CSMD1: variants seen among roughly 807,000 people sequenced by gnomAD.
The protein encoded by CSMD1 is CUB and Sushi multiple domains 1, also known as CUB and sushi domain-containing protein 1.
A neutral mutation model predicts 417.5 loss-of-function variants in CSMD1; 213 were observed. That is an observed-to-expected ratio of 0.51 (90% CI 0.46 to 0.57). The LOEUF (loss-of-function observed/expected upper bound fraction) is 0.57. Ranked by LOEUF, CSMD1 falls within the 20% of genes least tolerant of loss-of-function variation. CSMD1 has a pLI of 0.00. For missense variants in CSMD1, 6,923 were observed against 4,529.7 expected (o/e 1.53, Z -15.17); for synonymous variants, 2,862 against 1,736.8 (o/e 1.65, Z -16.11).
intron 7 of CSMD1, among the ~76,000 whole-genome samples, chr8:3,685,539 G>T (rs1799902868): frequency 6.6e-6 from 1 of 152,080 alleles, no homozygotes; most frequent in Admixed American, 6.5e-5. Context: ...TTATATAACA[G>T]GAAGAAAAAT....
chr8:4,113,566 G>A (rs1194869157), intron 3 of CSMD1, among the ~76,000 whole-genome samples: 4 of 151,938 alleles, frequency 2.6e-5, no homozygotes, highest in Non-Finnish European at 4.4e-5. Flanking sequence ...CAGCACACCT[G>A]GCTAATTTTC....
chr8:3,430,476 G>C (rs527829606), intron 12 of CSMD1, among the ~76,000 whole-genome samples: 4 of 152,178 alleles, frequency 2.6e-5, no homozygotes, highest in African/African-American at 7.2e-5. Flanking sequence ...GTAGATGATG[G>C]TTATGAAGTC....
At chr8:3,779,340 T>C (rs1038010580) in intron 5 of CSMD1, among the ~76,000 whole-genome samples, 1 of 152,118 alleles carries the variant, frequency 6.6e-6, no homozygotes, top group Non-Finnish European at 1.5e-5. Context: ...TTTAAAGTAG[T>C]ACTGTAGCTA....
At chr8:3,468,908 A>C (rs76351207) in intron 11 of CSMD1, 84 bp from the exon 12 acceptor site, 2 of 806,664 alleles carry the variant, frequency 2.5e-6, no homozygotes, top group East Asian at 2.7e-5. Flanking sequence ...TTGCTGCTTT[A>C]AACAGCCAAA....
At chr8:3,037,430 G>C (rs1810764646) in intron 50 of CSMD1, among the ~76,000 whole-genome samples, 1 of 151,832 alleles carries the variant, frequency 6.6e-6, no homozygotes, top group African/African-American at 2.4e-5. Flanking sequence ...GGGTGGTCTG[G>C]ATCTTCTGAC....
chr8:3,242,608 C>A (rs181736315), intron 26 of CSMD1, among the ~76,000 whole-genome samples: 1 of 151,938 alleles, frequency 6.6e-6, no homozygotes. Context: ...GAATATAAGG[C>A]ATTTAGGTTT....
At chr8:4,594,949 T>G (rs142342534) in intron 2 of CSMD1, among the ~76,000 whole-genome samples, 5 of 152,198 alleles carry the variant, frequency 3.3e-5, no homozygotes, top group Non-Finnish European at 1.5e-5. Context: ...AATTCAGTAG[T>G]TGAATGTTTT....
intron 1 of CSMD1, among the ~76,000 whole-genome samples, chr8:4,934,695 C>A (rs570586291): frequency 8.2e-4 from 125 of 152,224 alleles, no homozygotes; most frequent in African/African-American, 3.0e-3. Flanking sequence ...TACTTATAAT[C>A]TATAATCTAT....
chr8:4,656,787 C>T (rs1470370185), intron 1 of CSMD1, among the ~76,000 whole-genome samples: 2 of 151,962 alleles, frequency 1.3e-5, no homozygotes, highest in African/African-American at 4.8e-5. Flanking sequence ...TAGAAAGGAC[C>T]GTCCTGCGGG....
chr8:3,474,141 T>C (rs1817272144), intron 11 of CSMD1, among the ~76,000 whole-genome samples: 1 of 152,156 alleles, frequency 6.6e-6, no homozygotes, highest in Non-Finnish European at 1.5e-5. Flanking sequence ...ATGCTCCCCA[T>C]GTCTGCCTGG....
chr8:4,780,552 T>G (rs1006566877), intron 1 of CSMD1, among the ~76,000 whole-genome samples: 14 of 151,940 alleles, frequency 9.2e-5, no homozygotes, highest in African/African-American at 3.4e-4. Flanking sequence ...AAGGTCCTAT[T>G]GTAATTATTA....
At chr8:3,743,114 C>A (rs1796896259) in intron 6 of CSMD1, among the ~76,000 whole-genome samples, 1 of 152,200 alleles carries the variant, frequency 6.6e-6, no homozygotes, top group Non-Finnish European at 1.5e-5. Context: ...TTTAAAGGAA[C>A]TGAGAGACTT....
chr8:4,349,908 A>C (rs780876134), intron 3 of CSMD1, among the ~76,000 whole-genome samples: 5 of 152,036 alleles, frequency 3.3e-5, no homozygotes, highest in Non-Finnish European at 7.4e-5. Context: ...ATATTAGCAA[A>C]AAGGTTGTGC....
intron 11 of CSMD1, among the ~76,000 whole-genome samples, chr8:3,488,561 T>A (rs1818188302): frequency 6.6e-6 from 1 of 152,242 alleles, no homozygotes; most frequent in Non-Finnish European, 1.5e-5. Flanking sequence ...ATACTGCTAA[T>A]TATATGAAAT....
At chr8:3,686,474 G>A (rs914077718) in intron 7 of CSMD1, among the ~76,000 whole-genome samples, 1 of 152,096 alleles carries the variant, frequency 6.6e-6, no homozygotes, top group Non-Finnish European at 1.5e-5. Context: ...GCTCTGGCAT[G>A]TTTAAATTAA....
intron 3 of CSMD1, among the ~76,000 whole-genome samples, chr8:4,224,023 G>A (rs1050390834): frequency 3.9e-5 from 6 of 152,052 alleles, no homozygotes; most frequent in African/African-American, 1.4e-4. Flanking sequence ...TCCCGGGTAC[G>A]TTATTTTAAC....
chr8:3,840,251 G>T (rs964535795), intron 5 of CSMD1, among the ~76,000 whole-genome samples: 2 of 152,184 alleles, frequency 1.3e-5, no homozygotes, highest in Admixed American at 1.3e-4. Context: ...GCATAAATTA[G>T]CCAAATGGTG....
intron 10 of CSMD1, among the ~76,000 whole-genome samples, chr8:3,515,804 C>T (rs1453482379): frequency 6.6e-6 from 1 of 152,190 alleles, no homozygotes; most frequent in Non-Finnish European, 1.5e-5. Flanking sequence ...TCAGTCATGA[C>T]ACTGGGCAAT....
intron 2 of CSMD1, among the ~76,000 whole-genome samples, chr8:4,517,318 G>C (rs976711821): frequency 2.0e-5 from 3 of 152,168 alleles, no homozygotes; most frequent in Non-Finnish European, 4.4e-5. Flanking sequence ...GGCAGGCCCC[G>C]CTGTGAATGT....
Sources: allele counts gnomAD v4.1 joint callset (sites outside exome capture counted in the v4.1 genomes callset), GRCh38; gene constraint gnomAD v4.1.1; transcripts MANE v1.5; gene names NCBI Gene and HGNC (gene_info 2026-07-23, HGNC 2026-07-21).